Variants in AGBL1 observed in about 807,000 individuals in gnomAD.
AGBL1 encodes cytosolic carboxypeptidase 4.
Under a neutral mutation model 118.9 loss-of-function variants are expected in AGBL1, and 130 were observed. The observed-to-expected ratio is 1.09, with a 90% confidence interval of 0.95 to 1.26. The LOEUF is 1.26. Ranked by LOEUF, AGBL1 falls within the 50% of genes most tolerant of loss-of-function variation. The pLI, the probability that AGBL1 is intolerant of heterozygous loss-of-function variation, is 0.00. For synonymous variants in AGBL1, 555 were observed against 478.9 expected, an observed-to-expected ratio of 1.16 and a Z score of -2.08; for missense variants, 1,584 against 1,298.1, an observed-to-expected ratio of 1.22 and a Z score of -3.38.
chr15:86,802,072 G>T (rs1049467048), intron 22 of AGBL1, among the ~76,000 whole-genome samples: 9 of 152,060 alleles, frequency 5.9e-5, no homozygotes, highest in Non-Finnish European at 1.3e-4. Flanking sequence ...GATAGTTAGG[G>T]ATTTAAATTT....
intron 4 of AGBL1, among the ~76,000 whole-genome samples, chr15:86,155,203 C>T (rs1453030251): frequency 2.0e-5 from 3 of 152,222 alleles, no homozygotes; most frequent in East Asian, 3.9e-4. Context: ...CATGGTGGCT[C>T]ACGCCTGTAA....
chr15:86,464,938 G>A (rs552299826), intron 18 of AGBL1, among the ~76,000 whole-genome samples: 1 of 151,968 alleles, frequency 6.6e-6, no homozygotes, highest in East Asian at 1.9e-4. Context: ...TCCTGAATTT[G>A]AATGTTGGCC....
chr15:86,145,403 A>C (rs1243751290), intron 3 of AGBL1, among the ~76,000 whole-genome samples: 5 of 152,230 alleles, frequency 3.3e-5, no homozygotes, highest in Admixed American at 2.0e-4. Flanking sequence ...GCACAGTTTA[A>C]AAGCATGGGC....
intron 21 of AGBL1, among the ~76,000 whole-genome samples, chr15:86,671,595 T>C (rs1304334169): frequency 6.6e-6 from 1 of 152,170 alleles, no homozygotes; most frequent in African/African-American, 2.4e-5. Context: ...TTTCTAAATT[T>C]TATTTACCTG....
At chr15:86,548,208 C>G (rs907966353) in intron 20 of AGBL1, among the ~76,000 whole-genome samples, 1 of 152,152 alleles carries the variant, frequency 6.6e-6, no homozygotes, top group South Asian at 2.1e-4. Context: ...TGCTTAGAGG[C>G]TGATTCCTTC....
At chr15:86,189,249 T>C (rs147955418) in intron 5 of AGBL1, among the ~76,000 whole-genome samples, 4 of 152,218 alleles carry the variant, frequency 2.6e-5, no homozygotes, top group Non-Finnish European at 4.4e-5. Flanking sequence ...GGAGAACTTA[T>C]GCACACATTT....
At chr15:86,293,925 T>A (rs1361698798) in intron 16 of AGBL1, among the ~76,000 whole-genome samples, 1 of 152,066 alleles carries the variant, frequency 6.6e-6, no homozygotes, top group Non-Finnish European at 1.5e-5. Context: ...CATTTTAAGC[T>A]GGGAGGATAA....
chr15:86,515,675 G>A (rs2083111929), intron 18 of AGBL1, among the ~76,000 whole-genome samples: 1 of 152,204 alleles, frequency 6.6e-6, no homozygotes, highest in East Asian at 1.9e-4. Context: ...ATGACTTCAA[G>A]TGGTTGTTGG....
At chr15:86,149,578 C>G (rs2077079072) in intron 3 of AGBL1, among the ~76,000 whole-genome samples, 3 of 152,306 alleles carry the variant, frequency 2.0e-5, no homozygotes, top group African/African-American at 7.2e-5. Context: ...GAAGAGCTAA[C>G]TCTCCTAAAT....
In AGBL1 at chr15:86,265,877, T is replaced by G. The variant is rs188369676; in HGVS notation, c.1668-497T>G. ...CTCTCTCTTAGTTAAATATCCCAGATTTTGGTGTTTCTTAGAAGATTGACC... is the reference window on the plus strand; with the variant it reads ...CTCTCTCTTAGTTAAATATCCCAGAGTTTGGTGTTTCTTAGAAGATTGACC... On this transcript the variant is annotated intron_variant, in intron 11 of 22. Transcript: ENST00000614907. 1.3e-4 allele frequency among the ~76,000 whole-genome samples: 20 copies of G among 152,266 alleles called. No individual in the cohort carries two copies. The East Asian group carries it at 3.1e-3, about 24-fold the overall frequency.
chr15:86,158,913 T>C lies in AGBL1; in HGVS notation c.395-20T>C, dbSNP rs1487503841. On this transcript the variant is annotated intron_variant, in intron 4 of 22. Coordinates refer to ENST00000614907, the MANE Select transcript of AGBL1 (RefSeq NM_001386094.1). The stretch of plus-strand genomic sequence containing the variant: ...CTCATCCACTTGTGACCATAACTAC[T>C]GTGCTTTTGTTTTTCTTAGTCTCCA... 5.0e-6 allele frequency: 8 copies of C among 1,609,724 alleles called. No individual in the cohort carries two copies. The highest frequency in any genetic ancestry group is 6.8e-6 in the Non-Finnish European group (8 of 1,176,260).
chr15:86,249,841 T>G (rs1011129609), intron 7 of AGBL1, among the ~76,000 whole-genome samples: 1 of 152,176 alleles, frequency 6.6e-6, no homozygotes, highest in African/African-American at 2.4e-5. Context: ...AGAAAGGTGG[T>G]GGAGAAAACA....
chr15:86,333,771 C>T (rs1363425571), intron 17 of AGBL1, among the ~76,000 whole-genome samples: 1 of 152,064 alleles, frequency 6.6e-6, no homozygotes, highest in Non-Finnish European at 1.5e-5. Flanking sequence ...TAAACATAGA[C>T]ACAAAAATTC....
At chr15:86,800,865 T>C (rs1265550246) in intron 22 of AGBL1, among the ~76,000 whole-genome samples, 1 of 152,172 alleles carries the variant, frequency 6.6e-6, no homozygotes, top group Non-Finnish European at 1.5e-5. Context: ...AGCTATCTGA[T>C]TGAAGACAAT....
intron 4 of AGBL1, among the ~76,000 whole-genome samples, chr15:86,155,735 G>A (rs890711005): frequency 6.6e-6 from 1 of 152,066 alleles, no homozygotes; most frequent in African/African-American, 2.4e-5. Flanking sequence ...TTTGACTGTG[G>A]TTCTTTTTTT....
intron 22 of AGBL1, among the ~76,000 whole-genome samples, chr15:86,698,081 C>T (rs903448457): frequency 9.2e-5 from 14 of 152,022 alleles, no homozygotes; most frequent in Admixed American, 2.6e-4. Flanking sequence ...TGAGTTGGAT[C>T]TGCAATTTAG....
chr15:86,152,212 A>G (rs183270002), intron 3 of AGBL1, among the ~76,000 whole-genome samples: 1 of 152,336 alleles, frequency 6.6e-6, no homozygotes, highest in African/African-American at 2.4e-5. Context: ...CATTGCCAAG[A>G]CAATCCTAAG....
chr15:86,925,527 C>G (rs898960136), intron 23 of AGBL1, among the ~76,000 whole-genome samples: 1 of 152,018 alleles, frequency 6.6e-6, no homozygotes, highest in Non-Finnish European at 1.5e-5. Context: ...CGTCAGTGCT[C>G]TCCTTTATAT....
chr15:86,898,394 A>T (rs28703705), intron 22 of AGBL1, among the ~76,000 whole-genome samples: 1 of 152,072 alleles, frequency 6.6e-6, no homozygotes, highest in African/African-American at 2.4e-5. Context: ...TAGTGTAAAG[A>T]AGGGGTCCAG....
Sources: allele counts gnomAD v4.1 joint callset (sites outside exome capture counted in the v4.1 genomes callset), GRCh38; gene constraint gnomAD v4.1.1; transcripts MANE v1.5; gene names NCBI Gene and HGNC (gene_info 2026-07-23, HGNC 2026-07-21).